CYTH3: variants seen among roughly 807,000 people sequenced by gnomAD.
CYTH3 encodes cytohesin 3, also known as cytohesin-3.
A neutral mutation model predicts 55.1 loss-of-function variants in CYTH3; 23 were observed. The ratio of observed to expected loss-of-function variants is 0.42; its 90% confidence interval spans 0.30 to 0.59. The LOEUF (loss-of-function observed/expected upper bound fraction) is 0.59, where lower values mean the gene tolerates loss of function less well. CYTH3 is among the 20% of genes least tolerant of loss of function. CYTH3 has a pLI of 0.20. For synonymous variants in CYTH3, 249 were observed against 194.9 expected (o/e 1.28, Z -2.31); for missense variants, 413 against 524.8 (o/e 0.79, Z 2.08).
chr7:6,231,735 T>C (rs1562400868), intron 1 of CYTH3, among the ~76,000 whole-genome samples: 1 of 152,226 alleles, frequency 6.6e-6, no homozygotes, highest in Non-Finnish European at 1.5e-5. Context: ...AAGAGAATCC[T>C]AGATATTAAC....
At chr7:6,209,009 G>C (rs1190029894) in intron 1 of CYTH3, among the ~76,000 whole-genome samples, 1 of 152,212 alleles carries the variant, frequency 6.6e-6, no homozygotes, top group Non-Finnish European at 1.5e-5. Context: ...TGACTTTGTT[G>C]AACAGGGAAA....
intron 1 of CYTH3, among the ~76,000 whole-genome samples, chr7:6,214,953 G>C (rs1438576888): frequency 1.3e-5 from 2 of 151,948 alleles, no homozygotes; most frequent in South Asian, 2.1e-4. Context: ...TGAAAAAAAA[G>C]AGTAAGGTTA....
intron 1 of CYTH3, among the ~76,000 whole-genome samples, chr7:6,268,988 CA>C (rs1157758798): frequency 6.6e-6 from 1 of 152,188 alleles, no homozygotes; most frequent in Non-Finnish European, 1.5e-5. Context: ...GACCAAGGGG[CA>C]GGAGCTGGAG....
At chr7:6,224,599 T>C (rs74470311) in intron 1 of CYTH3, among the ~76,000 whole-genome samples, 3,491 of 152,328 alleles carry the variant, frequency 0.023, 138 homozygotes, top group African/African-American at 0.079. Context: ...TTAACCATCA[T>C]ACATTGCTGG....
At chr7:6,253,411 G>A (rs557058088) in intron 1 of CYTH3, among the ~76,000 whole-genome samples, 30 of 151,946 alleles carry the variant, frequency 2.0e-4, no homozygotes, top group African/African-American at 7.0e-4. Flanking sequence ...GTTTCACCAT[G>A]TTGGCCAGGC....
At chr7:6,238,706 T>C (rs1481001183) in intron 1 of CYTH3, among the ~76,000 whole-genome samples, 2 of 152,180 alleles carry the variant, frequency 1.3e-5, no homozygotes, top group Non-Finnish European at 2.9e-5. Flanking sequence ...GACAATGACA[T>C]GTCAATGTAG....
intron 1 of CYTH3, among the ~76,000 whole-genome samples, chr7:6,231,403 C>G (rs972389083): frequency 6.6e-6 from 1 of 152,274 alleles, no homozygotes; most frequent in East Asian, 1.9e-4. Flanking sequence ...GAGGGCAGAG[C>G]CTGCTCACAG....
intron 4 of CYTH3, among the ~76,000 whole-genome samples, chr7:6,185,462 C>G (rs1282572364): frequency 6.6e-6 from 1 of 151,848 alleles, no homozygotes; most frequent in Non-Finnish European, 1.5e-5. Context: ...TTTGGGAGGC[C>G]AAGGTGGGCA....
chr7:6,264,603 C>T (rs957688436), intron 1 of CYTH3, among the ~76,000 whole-genome samples: 6 of 152,206 alleles, frequency 3.9e-5, no homozygotes, highest in Admixed American at 3.3e-4. Flanking sequence ...CAGAGTGAGA[C>T]TCCATCTCAA....
At chr7:6,194,714 C>T (rs1378090268) in intron 1 of CYTH3, among the ~76,000 whole-genome samples, 1 of 151,266 alleles carries the variant, frequency 6.6e-6, no homozygotes, top group Non-Finnish European at 1.5e-5. Context: ...ACGTGGCTCA[C>T]GCCTGTAATC....
intron 1 of CYTH3, among the ~76,000 whole-genome samples, chr7:6,192,656 C>T (rs1213505180): frequency 1.3e-5 from 2 of 151,304 alleles, no homozygotes; most frequent in South Asian, 2.1e-4. Flanking sequence ...CTCAGCCTCC[C>T]GAGTAGCTGG....
intron 4 of CYTH3, among the ~76,000 whole-genome samples, chr7:6,180,256 C>G (rs1297212442): frequency 6.6e-6 from 1 of 152,180 alleles, no homozygotes; most frequent in Non-Finnish European, 1.5e-5. Context: ...CATGAGGCTC[C>G]CATGCCTTCC....
Position 6,170,384 on chromosome 7 carries a change from T to C in CYTH3, c.823+151A>G. Reference sequence around the variant, plus strand: ...GGAGAAGCAGCCGTGGCCATGCAGCTACCGAGAGCGGGCTCTGGCTTAACC... The same window carrying C: ...GGAGAAGCAGCCGTGGCCATGCAGCCACCGAGAGCGGGCTCTGGCTTAACC... On this transcript the variant is annotated intron_variant, in intron 9 of 12. Transcript: ENST00000350796. This position sits in a 1 kb window ranked among gnomAD's most constrained non-coding sequence, Gnocchi z 7.8. The C allele has an allele frequency of 1.4e-6, 1 of 708,410 alleles. No individual in the cohort carries two copies. The highest frequency in any genetic ancestry group is 2.3e-6 in the Non-Finnish European group (1 of 436,646). The allele number at this position is 708,410 out of a possible 1,614,324, so 43.9% of individuals were successfully genotyped here. A position where few individuals can be genotyped will look rare whatever the true frequency, so the allele number is the denominator to read the frequency against.
chr7:6,231,033 C>G (rs1779380093), intron 1 of CYTH3, among the ~76,000 whole-genome samples: 1 of 152,196 alleles, frequency 6.6e-6, no homozygotes, highest in African/African-American at 2.4e-5. Flanking sequence ...ACCCCAGCCA[C>G]TCGGCTCCCT....
rs77357873 is a variant in CYTH3, at chr7:6,170,030, G to T, written c.823+505C>A. ...GCTCACACAGACCAACGTGGGGAGAGCGAGAGGAATGAGCCGCTGAGGGGG... is the reference window on the plus strand; with the variant it reads ...GCTCACACAGACCAACGTGGGGAGATCGAGAGGAATGAGCCGCTGAGGGGG... On this transcript the variant is annotated intron_variant, in intron 9 of 12. Coordinates refer to ENST00000350796, the MANE Select transcript of CYTH3 (RefSeq NM_004227.4). The surrounding 1 kb of genome is among the most constrained non-coding windows in gnomAD (Gnocchi z 7.8). The T allele has an allele frequency of 7.1e-5, 12 of 168,284 alleles. No homozygotes were observed. The highest frequency in any genetic ancestry group is 6.8e-4 in the Admixed American group (12 of 17,682). The allele number at this position is 168,284 out of a possible 1,614,324, so 10.4% of individuals were successfully genotyped here.
intron 1 of CYTH3, among the ~76,000 whole-genome samples, chr7:6,264,431 G>T (rs1583208438): frequency 6.6e-6 from 1 of 152,104 alleles, no homozygotes; most frequent in Non-Finnish European, 1.5e-5. Context: ...AGCCAACAAG[G>T]TGAGACACTG....
intron 9 of CYTH3, among the ~76,000 whole-genome samples, chr7:6,166,512 C>T (rs898969797): frequency 1.3e-5 from 2 of 152,350 alleles, no homozygotes; most frequent in East Asian, 1.9e-4. Context: ...GGAGCTCACC[C>T]GGCTTTCTCT....
At chr7:6,200,284 C>A (rs753521793) in intron 1 of CYTH3, among the ~76,000 whole-genome samples, 2 of 152,188 alleles carry the variant, frequency 1.3e-5, no homozygotes, top group African/African-American at 4.8e-5. Flanking sequence ...GACACCCTGA[C>A]ACATTTTATA....
intron 6 of CYTH3, chr7:6,172,958 T>C (rs1416790801): frequency 1.7e-6 from 2 of 1,146,870 alleles, no homozygotes; most frequent in South Asian, 1.7e-5. Flanking sequence ...GAACAAGGTA[T>C]GAAGCCGAAG....
Sources: gnomAD v4.1 joint callset for allele counts (sites outside exome capture counted in the v4.1 genomes callset) on GRCh38, gnomAD v4.1.1 for gene constraint, Gnocchi (gnomAD v3.1) non-coding constraint, MANE v1.5 for transcripts, NCBI Gene and HGNC (gene_info 2026-07-23, HGNC 2026-07-21) for gene names.